Variants in ERG observed in about 807,000 individuals in gnomAD.
The protein encoded by ERG is transcriptional regulator ERG.
ERG carries 9 observed loss-of-function variants against 55.3 expected under a neutral mutation model. The observed-to-expected ratio is 0.16, with a 90% CI of 0.10 to 0.28. The LOEUF (loss-of-function observed/expected upper bound fraction) is 0.28, where lower values mean the gene tolerates loss of function less well. ERG is among the 10% of genes least tolerant of loss of function. The probability of loss-of-function intolerance (pLI) is 1.00; values close to 1 mark genes in which losing one functional copy is unlikely to be tolerated. For missense variants in ERG, 434 were observed against 631.6 expected (o/e 0.69, Z 3.35); for synonymous variants, 223 against 237.3 (o/e 0.94, Z 0.55).
chr21:38,646,799 T>C (rs988583719), intron 1 of ERG, among the ~76,000 whole-genome samples: 3 of 151,966 alleles, frequency 2.0e-5, no homozygotes, highest in African/African-American at 7.3e-5. Context: ...GTTGTTGTTG[T>C]TTGTTTTATT....
chr21:38,589,393 G>A (rs2060086370), upstream of ERG, among the ~76,000 whole-genome samples: 1 of 152,166 alleles, frequency 6.6e-6, no homozygotes, highest in African/African-American at 2.4e-5. Context: ...GACGTAACTG[G>A]CTGCCCTTCC....
At chr21:38,612,086 C>T (rs1002773214) in intron 1 of ERG, among the ~76,000 whole-genome samples, 17 of 152,112 alleles carry the variant, frequency 1.1e-4, no homozygotes, top group Non-Finnish European at 2.5e-4. Flanking sequence ...GTGACATTCC[C>T]AAGACTGCAG....
chr21:38,470,431 G>A (rs2059129365), intron 1 of ERG, among the ~76,000 whole-genome samples: 1 of 152,102 alleles, frequency 6.6e-6, no homozygotes, highest in South Asian at 2.1e-4. Context: ...AAGCTAAGTC[G>A]TAAGATTTTT....
At chr21:38,611,462 CCG>C (rs2060226720) in intron 1 of ERG, among the ~76,000 whole-genome samples, 1 of 152,104 alleles carries the variant, frequency 6.6e-6, no homozygotes, top group South Asian at 2.1e-4. Flanking sequence ...CTCCATCTGG[CCG>C]CCCTGACCTC....
At chr21:38,562,582 C>T (rs1224274429) in intron 2 of ERG, among the ~76,000 whole-genome samples, 3 of 152,194 alleles carry the variant, frequency 2.0e-5, no homozygotes, top group Non-Finnish European at 4.4e-5. Flanking sequence ...CTCCTGCATG[C>T]AAAAGTACAG....
intron 1 of ERG, among the ~76,000 whole-genome samples, chr21:38,480,134 A>G (rs2059224043): frequency 6.6e-6 from 1 of 152,146 alleles, no homozygotes; most frequent in Non-Finnish European, 1.5e-5. Flanking sequence ...CGGTGGACAA[A>G]AGGGGAATTC....
chr21:38,642,083 T>C (rs2060428509), intron 1 of ERG, among the ~76,000 whole-genome samples: 2 of 152,266 alleles, frequency 1.3e-5, no homozygotes, highest in South Asian at 4.1e-4. Flanking sequence ...GATGGAATAC[T>C]AGACAGTTTA....
In ERG at chr21:38,383,375, G is replaced by A. The variant is rs541024016; in HGVS notation, c.*28C>T. On this transcript the variant is annotated 3_prime_UTR_variant, in exon 10 of 10. Coordinates refer to ENST00000288319, the MANE Select transcript of ERG (RefSeq NM_182918.4). This position sits in a 1 kb window ranked among gnomAD's most constrained non-coding sequence, Gnocchi z 5.7. ...TGTGGCGATGGGCTGGTGAATGCAC[G>A]CTGATGGGAAAAGCCTCCGCCAGGT... The A allele has an allele frequency of 2.6e-5, 38 of 1,473,652 alleles. No homozygotes were observed. The highest frequency in any genetic ancestry group is 3.2e-5 in the South Asian group (2 of 62,918). The allele number at this position is 1,473,652 out of a possible 1,614,324, so 91.3% of individuals were successfully genotyped here. A position where few individuals can be genotyped will look rare whatever the true frequency, so the allele number is the denominator to read the frequency against.
intron 3 of ERG, among the ~76,000 whole-genome samples, chr21:38,407,884 AATAT>A (rs1223004953): frequency 1.4e-5 from 2 of 147,602 alleles, no homozygotes; most frequent in Non-Finnish European, 3.0e-5. Flanking sequence ...TAAAATATAT[AATAT>A]ATATAGAATA....
intron 1 of ERG, among the ~76,000 whole-genome samples, chr21:38,620,412 C>G (rs960221243): frequency 6.6e-6 from 1 of 152,216 alleles, no homozygotes; most frequent in Non-Finnish European, 1.5e-5. Context: ...AAATCCCCAG[C>G]ACACTCTGCA....
chr21:38,504,976 T>C, intron 2 of ERG, among the ~76,000 whole-genome samples: 1 of 152,248 alleles, frequency 6.6e-6, no homozygotes, highest in Non-Finnish European at 1.5e-5. Flanking sequence ...AGTGGCACTA[T>C]AATAGCATTC....
upstream of ERG, among the ~76,000 whole-genome samples, chr21:38,589,874 C>A (rs1459693257): frequency 6.6e-6 from 1 of 152,136 alleles, no homozygotes; most frequent in Non-Finnish European, 1.5e-5. Context: ...GAATTGGGGT[C>A]ATTTTTGTTG....
At position 38,440,005 on chromosome 21, in the gene ERG, CAG is replaced by C. The variant is rs572717332; in HGVS notation, c.236+5397_236+5398del. ...CCATGTTCTGGAAAGACCTAAGCTG[CAG>C]AGAGTGCACTTCTCCCGTGGAGGTG... On this transcript the variant is annotated intron_variant, in intron 2 of 9. Coordinates refer to ENST00000288319, the MANE Select transcript of ERG (RefSeq NM_182918.4). 2.8e-4 allele frequency among the ~76,000 whole-genome samples: 42 copies of C among 152,308 alleles called. 1 individual carries two copies. In the South Asian group the frequency reaches 8.3e-3, roughly 30 times the overall value.
intron 2 of ERG, among the ~76,000 whole-genome samples, chr21:38,539,623 T>C (rs1482616314): frequency 6.6e-6 from 1 of 152,136 alleles, no homozygotes; most frequent in Non-Finnish European, 1.5e-5. Context: ...TACAAATCAT[T>C]GTTGTATTTT....
At chr21:38,553,320 A>C (rs1009732863) in intron 2 of ERG, among the ~76,000 whole-genome samples, 3 of 152,222 alleles carry the variant, frequency 2.0e-5, no homozygotes, top group Non-Finnish European at 4.4e-5. Flanking sequence ...ACATTTTCAC[A>C]GAATTAGAAA....
intron 5 of ERG, among the ~76,000 whole-genome samples, chr21:38,401,122 CCT>C (rs1404406979): frequency 6.6e-6 from 1 of 151,838 alleles, no homozygotes; most frequent in Non-Finnish European, 1.5e-5. Flanking sequence ...ATGCATTTTC[CCT>C]CTCTCTCTTT....
chr21:38,413,912 T>C (rs778721094), intron 3 of ERG, among the ~76,000 whole-genome samples: 1 of 151,658 alleles, frequency 6.6e-6, no homozygotes, highest in Non-Finnish European at 1.5e-5. Flanking sequence ...ATATGTATCT[T>C]TGGGCATTCT....
intron 1 of ERG, among the ~76,000 whole-genome samples, chr21:38,450,671 A>G (rs1490315555): frequency 1.3e-5 from 2 of 152,218 alleles, no homozygotes; most frequent in Non-Finnish European, 2.9e-5. Flanking sequence ...TACCTTAAGC[A>G]CTTTCATGCA....
the ERG span, among the ~76,000 whole-genome samples, chr21:38,372,150 T>TAATC: frequency 6.6e-6 from 1 of 152,092 alleles, no homozygotes; most frequent in Non-Finnish European, 1.5e-5. Flanking sequence ...CAACATCTTC[T>TAATC]AATCATTTGA....
Sources: allele counts gnomAD v4.1 joint callset (sites outside exome capture counted in the v4.1 genomes callset), GRCh38; gene constraint gnomAD v4.1.1; non-coding constraint Gnocchi (gnomAD v3.1); transcripts MANE v1.5; gene names NCBI Gene and HGNC (gene_info 2026-07-23, HGNC 2026-07-21).